The following CDC73 variants were observed in gnomAD, a reference collection of about 807,000 sequenced individuals.
CDC73 encodes cell division cycle 73.
In CDC73, 21 loss-of-function variants were observed where a neutral mutation model predicts 83.7. The observed-to-expected ratio is 0.25, with a 90% CI of 0.18 to 0.36. CDC73 has a LOEUF of 0.36. CDC73 is among the 10% of genes least tolerant of loss of function. The probability of loss-of-function intolerance (pLI) is 1.00; values close to 1 mark genes in which losing one functional copy is unlikely to be tolerated. For synonymous variants in CDC73, 224 were observed against 212.9 expected (o/e 1.05, Z -0.45); for missense variants, 342 against 653.3 (o/e 0.52, Z 5.19).
Position 193,162,269 on chromosome 1 carries a change from GATA to G in CDC73, c.972+9829_972+9831del, listed in dbSNP as rs200043208. Among the ~76,000 whole-genome samples the G allele has an allele frequency of 2.8e-3, 297 of 107,534 alleles. 34 individuals carry two copies. The highest frequency in any genetic ancestry group is 0.013 in the African/African-American group (278 of 21,602). 70.5% of individuals were successfully genotyped at this position (107,534 alleles called of 152,430 possible). On this transcript the variant is annotated intron_variant, in intron 10 of 16. Transcript: ENST00000367435. Reference sequence around the variant, plus strand: ...TATAATAAATATAGTATATATAATAGATAATATATAGTATATATGATATATTAT... The same window carrying G: ...TATAATAAATATAGTATATATAATAGATATATAGTATATATGATATATTAT...
At chr1:193,138,774 ATTT>A (rs5779662) in intron 6 of CDC73, among the ~76,000 whole-genome samples, 1 of 128,982 alleles carries the variant, frequency 7.8e-6, no homozygotes, top group Non-Finnish European at 1.6e-5. Flanking sequence ...CTGAACTTTA[ATTT>A]TTTTTTTTTT....
intron 5 of CDC73, 48 bp from the exon 6 acceptor site, chr1:193,138,037 A>G: frequency 1.4e-6 from 2 of 1,397,528 alleles, no homozygotes; most frequent in Non-Finnish European, 2.0e-6. Context: ...TTTTCTTCCT[A>G]AAAGTTCAAT....
chr1:193,216,844 A>G (rs1472899690), intron 13 of CDC73, among the ~76,000 whole-genome samples: 1 of 152,174 alleles, frequency 6.6e-6, no homozygotes, highest in Non-Finnish European at 1.5e-5. Context: ...AAAAAATTAC[A>G]TGGTCATCTC....
At chr1:193,208,089 C>G (rs564064065) in intron 11 of CDC73, among the ~76,000 whole-genome samples, 100 of 152,306 alleles carry the variant, frequency 6.6e-4, no homozygotes, top group East Asian at 3.9e-4. Context: ...TCTGCTTTTT[C>G]ATAGAGTGAC....
Position 193,236,249 on chromosome 1 carries a change from CT to C in CDC73, c.1317-5del. On this transcript the variant is annotated splice_region_variant and splice_polypyrimidine_tract_variant and intron_variant, in intron 14 of 16. Transcript: ENST00000367435. Reference sequence around the variant, plus strand: ...CTACCTCCCCCCACCCACTTTTCTACTTGTAGGGACCGCGTTGTAGCCGTTT... The same window carrying C: ...CTACCTCCCCCCACCCACTTTTCTACTGTAGGGACCGCGTTGTAGCCGTTT... The C allele has an allele frequency of 6.2e-7, 1 of 1,604,968 alleles. No homozygotes were observed. The highest frequency in any genetic ancestry group is 8.5e-7 in the Non-Finnish European group (1 of 1,171,690).
At chr1:193,225,859 G>A (rs1015172960) in intron 13 of CDC73, among the ~76,000 whole-genome samples, 1 of 152,048 alleles carries the variant, frequency 6.6e-6, no homozygotes. Context: ...TGAGTTGACT[G>A]TTTACTCTGC....
Position 193,134,132 on chromosome 1 carries a change from A to G in CDC73, c.308-1259A>G, listed in dbSNP as rs141662391. ...GAGGTATATTTCGTTTAGCTTTTTTACCAGTTGTGAATAACTAAAAATTAC... is the reference window on the plus strand; with the variant it reads ...GAGGTATATTTCGTTTAGCTTTTTTGCCAGTTGTGAATAACTAAAAATTAC... On this transcript the variant is annotated intron_variant, in intron 3 of 16. Coordinates refer to ENST00000367435, the MANE Select transcript of CDC73 (RefSeq NM_024529.5). 2.0e-3 allele frequency among the ~76,000 whole-genome samples: 300 copies of G among 152,260 alleles called. 1 individual carries two copies. Among genetic ancestry groups the G allele is most frequent in the African/African-American group, 6.8e-3 (284 of 41,574 alleles).
intron 10 of CDC73, among the ~76,000 whole-genome samples, chr1:193,187,652 T>C (rs1007064571): frequency 3.3e-5 from 5 of 152,188 alleles, no homozygotes; most frequent in African/African-American, 4.8e-5. Flanking sequence ...TTAACAGTTA[T>C]ATACATATTC....
chr1:193,141,490 T>C (rs1405433057), intron 6 of CDC73, among the ~76,000 whole-genome samples: 1 of 152,128 alleles, frequency 6.6e-6, no homozygotes, highest in Non-Finnish European at 1.5e-5. Context: ...ATTTTTTACC[T>C]CCTTCCAAAG....
At chr1:193,124,462 A>G (rs1409789908) in intron 1 of CDC73, among the ~76,000 whole-genome samples, 1 of 152,240 alleles carries the variant, frequency 6.6e-6, no homozygotes, top group Middle Eastern at 3.2e-3. Flanking sequence ...CCATATTCAG[A>G]TGGATTCAAA....
intron 6 of CDC73, among the ~76,000 whole-genome samples, chr1:193,140,765 C>T (rs1675892618): frequency 1.3e-5 from 2 of 152,160 alleles, no homozygotes; most frequent in South Asian, 4.1e-4. Context: ...CTCAGCACGG[C>T]ACATAATTTA....
intron 3 of CDC73, among the ~76,000 whole-genome samples, chr1:193,133,353 A>G (rs911938305): frequency 6.6e-6 from 1 of 152,220 alleles, no homozygotes; most frequent in Non-Finnish European, 1.5e-5. Context: ...TAATTTATAC[A>G]TTTAACATGG....
intron 15 of CDC73, among the ~76,000 whole-genome samples, chr1:193,243,932 A>G (rs1171417795): frequency 6.6e-6 from 1 of 152,228 alleles, no homozygotes; most frequent in Non-Finnish European, 1.5e-5. Context: ...TATGCTAGCA[A>G]GCAATATGAA....
chr1:193,137,877 CT>C (rs1384013929), intron 5 of CDC73, among the ~76,000 whole-genome samples: 1 of 152,146 alleles, frequency 6.6e-6, no homozygotes, highest in African/African-American at 2.4e-5. Flanking sequence ...TTTTCCTAAG[CT>C]TTTCGATGAT....
intron 10 of CDC73, among the ~76,000 whole-genome samples, chr1:193,190,940 A>G (rs1247693254): frequency 1.3e-5 from 2 of 152,200 alleles, no homozygotes; most frequent in Non-Finnish European, 2.9e-5. Context: ...TTTTAGGGCC[A>G]GGGTAGGTAG....
intron 5 of CDC73, chr1:193,136,572 A>C (rs552563379): frequency 4.7e-6 from 1 of 214,290 alleles, no homozygotes. Context: ...CATATCATCT[A>C]TGAGCGAATA....
chr1:193,171,678 C>T (rs762476502), intron 10 of CDC73, among the ~76,000 whole-genome samples: 1 of 152,166 alleles, frequency 6.6e-6, no homozygotes, highest in Non-Finnish European at 1.5e-5. Flanking sequence ...CTTAAGGGTC[C>T]ATGTGATTAT....
chr1:193,133,890 A>C (rs1229796047), intron 3 of CDC73, among the ~76,000 whole-genome samples: 1 of 151,808 alleles, frequency 6.6e-6, no homozygotes, highest in Non-Finnish European at 1.5e-5. Context: ...TTGCAAATTT[A>C]AACTATACGG....
chr1:193,187,714 TTTG>T (rs1490278301), intron 10 of CDC73, among the ~76,000 whole-genome samples: 10 of 151,666 alleles, frequency 6.6e-5, no homozygotes, highest in South Asian at 2.1e-4. Context: ...TGAATATGAA[TTTG>T]TTTTCTCTGA....
Sources: gnomAD v4.1 joint callset for allele counts (sites outside exome capture counted in the v4.1 genomes callset) on GRCh38, gnomAD v4.1.1 for gene constraint, MANE v1.5 for transcripts, NCBI Gene and HGNC (gene_info 2026-07-23, HGNC 2026-07-21) for gene names.